JOSD1: variants seen among roughly 807,000 people sequenced by gnomAD.
JOSD1 encodes the protein Josephin domain containing 1, also known as josephin-1.
In JOSD1, 11 loss-of-function variants were observed where a neutral mutation model predicts 24.3. The observed-to-expected ratio is 0.45, with a 90% CI of 0.29 to 0.75. JOSD1 has a LOEUF of 0.75. Among genes scored for constraint, JOSD1 ranks in the 30% least tolerant of loss-of-function variants. The pLI is 0.11. For synonymous variants in JOSD1, 106 were observed against 93.8 expected (o/e 1.13, Z -0.75); for missense variants, 184 against 253.5 (o/e 0.73, Z 1.86).
intron 4 of JOSD1, among the ~76,000 whole-genome samples, chr22:38,688,666 T>TA (rs1603134097): frequency 6.6e-6 from 1 of 152,290 alleles, no homozygotes; most frequent in East Asian, 1.9e-4. Context: ...TCAGTTGTCT[T>TA]AAATAGAGAG....
At chr22:38,698,754 A>T (rs1178589353) in intron 2 of JOSD1, among the ~76,000 whole-genome samples, 1 of 152,190 alleles carries the variant, frequency 6.6e-6, no homozygotes, top group Non-Finnish European at 1.5e-5. Flanking sequence ...AGCAAAGAGA[A>T]AAAAGCTGAA....
At chr22:38,699,734 G>C (rs2092559839) in intron 2 of JOSD1, 69 bp downstream of exon 2, 2 of 1,457,728 alleles carry the variant, frequency 1.4e-6, no homozygotes, top group South Asian at 2.3e-5. Flanking sequence ...TTATGAAGCT[G>C]AGACACTGCC....
At chr22:38,698,401 G>A (rs2092553974) in intron 2 of JOSD1, among the ~76,000 whole-genome samples, 1 of 152,226 alleles carries the variant, frequency 6.6e-6, no homozygotes, top group Middle Eastern at 3.2e-3. Context: ...TCTCCTAAGA[G>A]TAGGCCTTTG....
chr22:38,700,736 G>C (rs925970065), intron 1 of JOSD1, 64 bp downstream of exon 1: 4 of 981,196 alleles, frequency 4.1e-6, no homozygotes, highest in Non-Finnish European at 4.8e-6. Flanking sequence ...CGAGGGGTGG[G>C]GCCGGACAGT....
Position 38,700,873 on chromosome 22 carries a change from C to T in JOSD1, c.-705G>A. The T allele has an allele frequency of 1.4e-5, 14 of 984,288 alleles. No homozygotes were observed. Among genetic ancestry groups the T allele is most frequent in the Non-Finnish European group, 1.7e-5 (14 of 829,506 alleles). 61.0% of individuals were successfully genotyped at this position (984,288 alleles called of 1,614,324 possible). A position where few individuals can be genotyped will look rare whatever the true frequency, so the allele number is the denominator to read the frequency against. ...CCCCGGCCGCAGACCCCAGGGCCGCCGGGACTGCTCGCCGCTGGCGGTCCC... is the reference window on the plus strand; with the variant it reads ...CCCCGGCCGCAGACCCCAGGGCCGCTGGGACTGCTCGCCGCTGGCGGTCCC... On this transcript the variant is annotated 5_prime_UTR_variant, in exon 1 of 5. Transcript: ENST00000683374.
In JOSD1 at chr22:38,695,923, G is replaced by A. The variant is rs1196881787; in HGVS notation, c.185+3880C>T. ...ATACTAAAATTAGCCGGATGTGGTG[G>A]CGGGCGTCTATACTCTCAGCTACTC... On this transcript the variant is annotated intron_variant, in intron 2 of 4. Transcript: ENST00000683374. Among the ~76,000 whole-genome samples, 15 of 152,258 alleles carry A rather than the reference G, an allele frequency of 9.9e-5. No homozygotes were observed. The South Asian group carries it at 2.9e-3, about 29-fold the overall frequency.
chr22:38,699,634 T>C (rs924327172), intron 2 of JOSD1, among the ~76,000 whole-genome samples, 169 bp downstream of exon 2: 1 of 152,240 alleles, frequency 6.6e-6, no homozygotes, highest in Admixed American at 6.5e-5. Flanking sequence ...CCACCGTAAG[T>C]GCCTGATAAA....
intron 2 of JOSD1, among the ~76,000 whole-genome samples, chr22:38,697,770 T>C (rs566354728): frequency 1.3e-5 from 2 of 152,364 alleles, no homozygotes; most frequent in South Asian, 2.1e-4. Context: ...GGAAGATCAG[T>C]GTGAGGACTG....
chr22:38,692,781 C>CAAAAAAAAAAAAAAAA (rs61214432), intron 2 of JOSD1, among the ~76,000 whole-genome samples: 14 of 45,020 alleles, frequency 3.1e-4, no homozygotes, highest in African/African-American at 6.2e-4. Flanking sequence ...AACTCTGTCT[C>CAAAAAAAAAAAAAAAA]AAAAAAAAAA....
chr22:38,689,742 T>C (rs1032975047), intron 2 of JOSD1, among the ~76,000 whole-genome samples: 12 of 152,088 alleles, frequency 7.9e-5, no homozygotes, highest in Non-Finnish European at 1.8e-4. Flanking sequence ...GTAACTGGTG[T>C]CACTCCTGCT....
At chr22:38,689,947 T>TGTGTGTGTGTG (rs60712690) in intron 2 of JOSD1, among the ~76,000 whole-genome samples, 8 of 145,684 alleles carry the variant, frequency 5.5e-5, no homozygotes, top group South Asian at 4.4e-4. Flanking sequence ...TGTGTGTGTG[T>TGTGTGTGTGTG]AGTACTTGAA....
chr22:38,695,171 T>C (rs181752905), intron 2 of JOSD1, among the ~76,000 whole-genome samples: 5 of 152,272 alleles, frequency 3.3e-5, no homozygotes, highest in Non-Finnish European at 7.4e-5. Context: ...AATCCGTAGG[T>C]GTTAGCTATT....
chr22:38,693,507 C>T (rs2092532297), intron 2 of JOSD1, among the ~76,000 whole-genome samples: 3 of 152,234 alleles, frequency 2.0e-5, no homozygotes, highest in Admixed American at 6.5e-5. Context: ...GCCTGGTTGG[C>T]CAGTTCTACA....
upstream of JOSD1, chr22:38,701,232 G>C (rs2092569549): frequency 6.5e-6 from 1 of 152,952 alleles, no homozygotes; most frequent in African/African-American, 2.4e-5. Context: ...GCGGCCCCTG[G>C]CGGGGCGGCC....
At chr22:38,695,304 A>T (rs2092540405) in intron 2 of JOSD1, among the ~76,000 whole-genome samples, 1 of 152,170 alleles carries the variant, frequency 6.6e-6, no homozygotes, top group Non-Finnish European at 1.5e-5. Flanking sequence ...CCACCTGCTC[A>T]AGGACTATGT....
chr22:38,697,035 G>A (rs904856780), intron 2 of JOSD1, among the ~76,000 whole-genome samples: 3 of 152,222 alleles, frequency 2.0e-5, no homozygotes, highest in African/African-American at 4.8e-5. Context: ...CTGAATGCCA[G>A]GGTTCTAACT....
rs975830973 is a variant in JOSD1 at position 38,698,186 on chromosome 22, C to G, written c.185+1617G>C. Among the ~76,000 whole-genome samples, 5 of 152,306 alleles carry G rather than the reference C, an allele frequency of 3.3e-5. No individual in the cohort carries two copies. The East Asian group carries it at 5.8e-4, about 18-fold the overall frequency. On this transcript the variant is annotated intron_variant, in intron 2 of 4. Transcript: ENST00000683374. ...AAAAGGAAGCATGTACTGGGTCCTC[C>G]TTTCAGTGACATGACCTGATGATCT...
At chr22:38,691,575 G>A (rs1345571610) in intron 2 of JOSD1, among the ~76,000 whole-genome samples, 1 of 152,014 alleles carries the variant, frequency 6.6e-6, no homozygotes, top group African/African-American at 2.4e-5. Context: ...TTTTCTCACT[G>A]TGCACTCATG....
At chr22:38,692,666 A>G (rs1211668792) in intron 2 of JOSD1, among the ~76,000 whole-genome samples, 2 of 151,676 alleles carry the variant, frequency 1.3e-5, no homozygotes, top group East Asian at 3.9e-4. Context: ...CTGTAATCCC[A>G]GCTACTCGGG....
Sources: allele counts gnomAD v4.1 joint callset (sites outside exome capture counted in the v4.1 genomes callset), GRCh38; gene constraint gnomAD v4.1.1; transcripts MANE v1.5; gene names NCBI Gene and HGNC (gene_info 2026-07-23, HGNC 2026-07-21).